The following PTPN14 variants were observed in gnomAD, a reference collection of about 807,000 sequenced individuals.
The protein encoded by PTPN14 is protein tyrosine phosphatase non-receptor type 14, also known as tyrosine-protein phosphatase non-receptor type 14.
Under a neutral mutation model 126.8 loss-of-function variants are expected in PTPN14, and 53 were observed. The ratio of observed to expected loss-of-function variants is 0.42; its 90% CI spans 0.34 to 0.53. PTPN14 has a LOEUF of 0.53. Among genes scored for constraint, PTPN14 ranks in the 20% least tolerant of loss-of-function variants. The pLI, the probability that PTPN14 is intolerant of heterozygous loss-of-function variation, is 0.08. For missense variants in PTPN14, 1,257 were observed against 1,552.9 expected (o/e 0.81, Z 3.20); for synonymous variants, 630 against 599.3 (o/e 1.05, Z -0.75).
chr1:214,461,639 A>C (rs1476098090), intron 2 of PTPN14, among the ~76,000 whole-genome samples: 54 of 151,876 alleles, frequency 3.6e-4, no homozygotes, highest in Middle Eastern at 3.4e-3. Flanking sequence ...CAACTGGAAA[A>C]AAAAAAAAAG....
At chr1:214,406,396 G>A (rs1334418579) in intron 5 of PTPN14, among the ~76,000 whole-genome samples, 5 of 151,664 alleles carry the variant, frequency 3.3e-5, no homozygotes, top group East Asian at 1.9e-4. Context: ...CAGGAGAATC[G>A]CTTGAACCCA....
At chr1:214,523,274 T>C (rs1655305274) in intron 1 of PTPN14, among the ~76,000 whole-genome samples, 1 of 152,210 alleles carries the variant, frequency 6.6e-6, no homozygotes, top group African/African-American at 2.4e-5. Context: ...TACCTCTTAC[T>C]GGAAGTCCTT....
chr1:214,414,659 C>A lies in PTPN14; in HGVS notation c.412G>T (p.Val138Leu). 6.2e-7 allele frequency: 1 copy of A among 1,614,088 alleles called. No homozygotes were observed. Among genetic ancestry groups the A allele is most frequent in the Non-Finnish European group, 8.5e-7 (1 of 1,179,950 alleles). The change falls in exon 4 of 19, where the codon GTG (valine) becomes TTG (leucine). Residue 138 changes from valine (V) to leucine (L), a missense_variant. By Grantham distance (32) the Val-to-Leu change is conservative. Transcript: ENST00000366956. ...EGRLRCTLDQVIRLAGLAVQA... is the reference protein window; with the variant it reads ...EGRLRCTLDQLIRLAGLAVQA... The stretch of plus-strand genomic sequence containing the variant: ...ACAGCTAGGCCGGCTAGCCGAATCA[C>A]CTGGTCCAATGTACATCGTAATCGC...
In PTPN14 at chr1:214,527,952, C is replaced by G. The variant is rs192060325; in HGVS notation, c.-155+23231G>C. On this transcript the variant is annotated intron_variant, in intron 1 of 18. Coordinates refer to ENST00000366956, the MANE Select transcript of PTPN14 (RefSeq NM_005401.5). ...TAACACTGATAAGCACTTCTCTCGA[C>G]AGCTTCTCTCTAAAGTCACTCCTCT... Among the ~76,000 whole-genome samples the G allele has an allele frequency of 1.8e-4, 27 of 152,322 alleles. No individual in the cohort carries two copies. The East Asian group carries it at 5.0e-3, about 28-fold the overall frequency.
In PTPN14 at chr1:214,535,931, T is replaced by A. The variant is rs114420922; in HGVS notation, c.-155+15252A>T. On this transcript the variant is annotated intron_variant, in intron 1 of 18. Coordinates refer to ENST00000366956, the MANE Select transcript of PTPN14 (RefSeq NM_005401.5). The stretch of plus-strand genomic sequence containing the variant: ...GACCTACATTAGAAATTCCATTGCA[T>A]CTGTATGATTCAAGAATCACAAAAA... 3.3e-3 allele frequency among the ~76,000 whole-genome samples: 499 copies of A among 152,284 alleles called. 1 individual carries two copies. Among genetic ancestry groups the A allele is most frequent in the Non-Finnish European group, 6.1e-3 (412 of 68,018 alleles).
At chr1:214,425,593 A>G (rs1213070862) in intron 3 of PTPN14, among the ~76,000 whole-genome samples, 1 of 152,216 alleles carries the variant, frequency 6.6e-6, no homozygotes. Flanking sequence ...TTATGGCCAC[A>G]TATTTAAAAG....
intron 3 of PTPN14, among the ~76,000 whole-genome samples, chr1:214,416,760 A>T (rs1571986383): frequency 6.6e-6 from 1 of 152,340 alleles, no homozygotes; most frequent in East Asian, 1.9e-4. Context: ...ATGAAATTCA[A>T]ACCACTTTGA....
chr1:214,352,636 G>A lies in PTPN14; in HGVS notation c.*5286C>T, dbSNP rs1347285584. 1 of 152,224 alleles carries A rather than the reference G, an allele frequency of 6.6e-6. No individual in the cohort carries two copies. The highest frequency in any genetic ancestry group is 1.5e-5 in the Non-Finnish European group (1 of 68,044). The allele number at this position is 152,224 out of a possible 1,614,324, so 9.4% of individuals were successfully genotyped here. A position where few individuals can be genotyped will look rare whatever the true frequency, so the allele number is the denominator to read the frequency against. On this transcript the variant is annotated 3_prime_UTR_variant, in exon 19 of 19. Transcript: ENST00000366956. ...TTGCTTCCTTGCTCAGCGTTCAAGA[G>A]AAGTATCAAATGCAGTTTAACATCT...
At chr1:214,496,080 C>T (rs779237816) in intron 1 of PTPN14, among the ~76,000 whole-genome samples, 20 of 152,136 alleles carry the variant, frequency 1.3e-4, no homozygotes, top group Non-Finnish European at 2.8e-4. Context: ...ACTCTCCTGG[C>T]ATTCTTGGTC....
rs779702256 is a variant in PTPN14, at chr1:214,384,480, T to C, written c.1375A>G (p.Thr459Ala). 3.1e-5 allele frequency: 50 copies of C among 1,614,034 alleles called. No homozygotes were observed. The highest frequency in any genetic ancestry group is 4.1e-5 in the Non-Finnish European group (48 of 1,180,032). ...CTCAGAGACTGGCTCTGGCTGTCTG[T>C]ATGCAGGATCCCCCTCTTCATCTGG... is the stretch of plus-strand genomic sequence containing the variant. ...MRQMKRGILH[T>A]DSQSQSLRNL... is the part of the protein sequence containing the mutation. The change falls in exon 13 of 19, where the codon ACA (threonine) becomes GCA (alanine). Residue 459 changes from threonine to alanine, a missense_variant. By Grantham distance (58) the Thr-to-Ala change is moderately conservative (BLOSUM62 0). Transcript: ENST00000366956. This position sits in a 1 kb window ranked among gnomAD's most constrained non-coding sequence, Gnocchi z 5.3.
Position 214,376,285 on chromosome 1 carries a change from C to A in PTPN14, c.2841G>T (p.Glu947Asp). 2 of 1,614,202 alleles carry A rather than the reference C, an allele frequency of 1.2e-6. No individual in the cohort carries two copies. Among genetic ancestry groups the A allele is most frequent in the East Asian group, 4.5e-5 (2 of 44,886 alleles). The change falls in exon 15 of 19, where the codon GAG becomes GAT. Residue 947 changes from glutamate (E) to aspartate (D), a missense_variant. Glu to Asp is a conservative substitution (Grantham distance 45, BLOSUM62 2). This residue lies in a region of PTPN14 where 65 missense variants were observed against 139.7 expected (regional missense o/e 0.47). Coordinates refer to ENST00000366956, the MANE Select transcript of PTPN14 (RefSeq NM_005401.5). ...TGGTTGGTATCAGCTCTACTCGATT[C>A]TCCTCATAGGGGACAACTTCACGGA... ...SRIREVVPYEENRVELIPTKE... is the reference protein window; with the variant it reads ...SRIREVVPYEDNRVELIPTKE...
In PTPN14 at chr1:214,492,194, AG is replaced by A. The variant is rs946050409; in HGVS notation, c.-154-27238del. 2.6e-5 allele frequency among the ~76,000 whole-genome samples: 4 copies of A among 152,138 alleles called. No homozygotes were observed. The East Asian group carries it at 7.7e-4, about 29-fold the overall frequency. On this transcript the variant is annotated intron_variant, in intron 1 of 18. Coordinates refer to ENST00000366956, the MANE Select transcript of PTPN14 (RefSeq NM_005401.5). ...CAGGATACTGTGTTTAAAAAAAAAAAGAAAAAGAAAAACTTCGGGAGAATAT... is the reference window on the plus strand; with the variant it reads ...CAGGATACTGTGTTTAAAAAAAAAAAAAAAAGAAAAACTTCGGGAGAATAT...
At chr1:214,503,563 C>G (rs1654760458) in intron 1 of PTPN14, among the ~76,000 whole-genome samples, 1 of 152,228 alleles carries the variant, frequency 6.6e-6, no homozygotes, top group African/African-American at 2.4e-5. Context: ...AGAATTATTA[C>G]ATTTCAGTCA....
intron 8 of PTPN14, among the ~76,000 whole-genome samples, chr1:214,397,000 T>C (rs934357398): frequency 6.6e-6 from 1 of 152,220 alleles, no homozygotes; most frequent in Non-Finnish European, 1.5e-5. Flanking sequence ...ATCTCTCTTG[T>C]CACTCCTGCT....
Position 214,372,964 on chromosome 1 carries a change from C to A in PTPN14, c.2908-125G>T, listed in dbSNP as rs143823975. On this transcript the variant is annotated intron_variant, in intron 15 of 18. Coordinates refer to ENST00000366956, the MANE Select transcript of PTPN14 (RefSeq NM_005401.5). ...ATTTTTGGGGCCGAATGAATTAGTT[C>A]AATGAACAAAAACCCTGAGACTACA... The A allele has an allele frequency of 3.0e-6, 4 of 1,343,388 alleles. No homozygotes were observed. The African/African-American group carries it at 5.8e-5, about 20-fold the overall frequency. 83.2% of individuals were successfully genotyped at this position (1,343,388 alleles called of 1,614,324 possible).
Position 214,507,519 on chromosome 1 carries a change from C to T in PTPN14, c.-154-42562G>A, listed in dbSNP as rs190109909. ...ACACTTTCAAGACATATATAGAACACCTTTTAACAATGAAACTACAAATCA... is the reference window on the plus strand; with the variant it reads ...ACACTTTCAAGACATATATAGAACATCTTTTAACAATGAAACTACAAATCA... On this transcript the variant is annotated intron_variant, in intron 1 of 18. Transcript: ENST00000366956. Among the ~76,000 whole-genome samples the T allele has an allele frequency of 1.5e-4, 23 of 152,304 alleles. No homozygotes were observed. The highest frequency in any genetic ancestry group is 1.4e-3 in the Admixed American group (21 of 15,302).
intron 3 of PTPN14, among the ~76,000 whole-genome samples, chr1:214,426,980 T>G (rs1659678738): frequency 1.3e-5 from 2 of 151,854 alleles, no homozygotes. Flanking sequence ...AGGCTTCTCC[T>G]AAAAAAAATT....
At chr1:214,405,197 C>G (rs1334786013) in intron 5 of PTPN14, among the ~76,000 whole-genome samples, 5 of 152,220 alleles carry the variant, frequency 3.3e-5, no homozygotes, top group Non-Finnish European at 7.3e-5. Context: ...CTACCACTTC[C>G]CTCAATAGGG....
At chr1:214,551,127 G>C (rs983652532) in intron 1 of PTPN14, 56 bp downstream of exon 1, 1 of 152,310 alleles carries the variant, frequency 6.6e-6, no homozygotes, top group Non-Finnish European at 1.5e-5. Context: ...AGGGCGCCCG[G>C]AGCGCCAAGG....
Sources: gnomAD v4.1 joint callset for allele counts (sites outside exome capture counted in the v4.1 genomes callset) on GRCh38, gnomAD v4.1.1 for gene constraint, gnomAD v4.1.1 regional missense constraint, Gnocchi (gnomAD v3.1) non-coding constraint, MANE v1.5 for transcripts, NCBI Gene and HGNC (gene_info 2026-07-23, HGNC 2026-07-21) for gene names.